ZNF438: variants seen among roughly 807,000 people sequenced by gnomAD.
ZNF438 encodes zinc finger protein 438.
In ZNF438, 25 loss-of-function variants were observed where a neutral mutation model predicts 38.0. That is an observed-to-expected ratio of 0.66 (90% CI 0.48 to 0.92). The LOEUF is 0.92. ZNF438 is among the 40% of genes least tolerant of loss of function. The pLI, the probability that ZNF438 is intolerant of heterozygous loss-of-function variation, is 0.00. For missense variants in ZNF438, 1,007 were observed against 999.6 expected (o/e 1.01, Z -0.10); for synonymous variants, 372 against 364.1 (o/e 1.02, Z -0.25).
Position 30,995,297 on chromosome 10 carries a change from G to A in ZNF438, c.-192+36536C>T, listed in dbSNP as rs56686909. ...ACAAGTACAAAGCAGCCCCCAATAC[G>A]ATTAACAGCTGACTTCTCATTAGAA... On this transcript the variant is annotated intron_variant, in intron 1 of 5. Transcript: ENST00000413025. Among the ~76,000 whole-genome samples the A allele has an allele frequency of 6.6e-3, 998 of 152,194 alleles. 14 individuals are homozygous for A. The highest frequency in any genetic ancestry group is 0.022 in the African/African-American group (919 of 41,538).
chr10:31,006,561 GC>G (rs2055147623), intron 1 of ZNF438, among the ~76,000 whole-genome samples: 1 of 152,078 alleles, frequency 6.6e-6, no homozygotes, highest in Admixed American at 6.5e-5. Flanking sequence ...AGTTCTGTGA[GC>G]CCTCTAGTAA....
In ZNF438 at chr10:31,028,738, C is replaced by G. The variant is rs564994413; in HGVS notation, c.-192+3095G>C. Among the ~76,000 whole-genome samples the G allele has an allele frequency of 8.5e-5, 13 of 152,282 alleles. No homozygotes were observed. In the South Asian group the frequency reaches 2.3e-3, roughly 27 times the overall value. ...TTATTCATCTCTGAACTTCCAAAAC[C>G]TAACCAAATGCCCATTATATAAAGT... On this transcript the variant is annotated intron_variant, in intron 1 of 5. Coordinates refer to ENST00000413025, the Ensembl canonical transcript of ZNF438.
At chr10:30,956,186 G>A (rs2048842499) in intron 1 of ZNF438, among the ~76,000 whole-genome samples, 1 of 152,074 alleles carries the variant, frequency 6.6e-6, no homozygotes, top group Non-Finnish European at 1.5e-5. Context: ...AGAAAATTAA[G>A]ACCCTTTATG....
chr10:31,023,563 T>A (rs1188290572), intron 1 of ZNF438, among the ~76,000 whole-genome samples: 1 of 152,222 alleles, frequency 6.6e-6, no homozygotes, highest in African/African-American at 2.4e-5. Flanking sequence ...CAAAAGTATG[T>A]TATATTAGCG....
chr10:30,930,401 C>A (rs542948747), intron 2 of ZNF438, among the ~76,000 whole-genome samples: 1 of 152,032 alleles, frequency 6.6e-6, no homozygotes, highest in African/African-American at 2.4e-5. Flanking sequence ...TGCGCAGCCC[C>A]GGTTCCCACC....
chr10:30,901,962 A>C (rs1024103818), intron 3 of ZNF438, among the ~76,000 whole-genome samples: 5 of 151,878 alleles, frequency 3.3e-5, no homozygotes, highest in Non-Finnish European at 7.4e-5. Context: ...TGGAGTTGTT[A>C]GTTTCTCCTG....
At chr10:30,926,212 A>T (rs950909958) in intron 2 of ZNF438, among the ~76,000 whole-genome samples, 2 of 152,220 alleles carry the variant, frequency 1.3e-5, no homozygotes, top group Non-Finnish European at 2.9e-5. Flanking sequence ...AGTTACACGG[A>T]TGTACATAAT....
intron 1 of ZNF438, among the ~76,000 whole-genome samples, chr10:30,971,268 CAGTA>C (rs1352443625): frequency 1.3e-5 from 2 of 152,214 alleles, no homozygotes; most frequent in East Asian, 1.9e-4. Context: ...AGTAACTACG[CAGTA>C]AGTGTCAGCT....
intron 1 of ZNF438, among the ~76,000 whole-genome samples, chr10:31,010,922 A>G (rs2055632254): frequency 6.9e-6 from 1 of 144,454 alleles, no homozygotes; most frequent in African/African-American, 2.6e-5. Context: ...AAAAAAAAAA[A>G]GATTTTGTTG....
At chr10:31,028,582 G>C (rs1386113724) in intron 1 of ZNF438, among the ~76,000 whole-genome samples, 2 of 152,152 alleles carry the variant, frequency 1.3e-5, no homozygotes, top group African/African-American at 4.8e-5. Context: ...CACAAGTCAT[G>C]GAAGCTGGGG....
At chr10:30,967,341 T>G (rs989424842) in intron 1 of ZNF438, among the ~76,000 whole-genome samples, 1 of 152,170 alleles carries the variant, frequency 6.6e-6, no homozygotes, top group African/African-American at 2.4e-5. Flanking sequence ...AACAGCTGAC[T>G]AGTAAAGAAA....
At chr10:30,933,092 T>C (rs1457905719) in intron 2 of ZNF438, among the ~76,000 whole-genome samples, 5 of 152,246 alleles carry the variant, frequency 3.3e-5, no homozygotes, top group Non-Finnish European at 7.3e-5. Context: ...CTTGCTTATG[T>C]AGTCCTAGAA....
At chr10:30,956,553 T>C (rs1322028092) in intron 1 of ZNF438, among the ~76,000 whole-genome samples, 1 of 152,178 alleles carries the variant, frequency 6.6e-6, no homozygotes, top group Admixed American at 6.5e-5. Context: ...CCAACCTCTC[T>C]TCATCTCTCC....
In ZNF438 at chr10:30,962,336, T is replaced by G. The variant is rs1194445729; in HGVS notation, c.-191-20685A>C. 1.4e-5 allele frequency among the ~76,000 whole-genome samples: 2 copies of G among 147,356 alleles called. 1 individual carries two copies. Among genetic ancestry groups the G allele is most frequent in the Admixed American group, 1.4e-4 (2 of 14,648 alleles). Reference sequence around the variant, plus strand: ...CTCCCAACCTATGCCCCAGAAAAGTTGGAGATTAATAGAAAAAGACATAAG... The same window carrying G: ...CTCCCAACCTATGCCCCAGAAAAGTGGGAGATTAATAGAAAAAGACATAAG... On this transcript the variant is annotated intron_variant, in intron 1 of 5. Coordinates refer to ENST00000413025, the Ensembl canonical transcript of ZNF438.
chr10:30,998,035 G>A (rs2054231529), intron 1 of ZNF438, among the ~76,000 whole-genome samples: 1 of 152,170 alleles, frequency 6.6e-6, no homozygotes, highest in Non-Finnish European at 1.5e-5. Context: ...TTTCAGTTGG[G>A]TCTCTGTCAC....
chr10:30,918,951 G>C (rs1354803510), intron 2 of ZNF438: 1 of 152,194 alleles, frequency 6.6e-6, no homozygotes, highest in East Asian at 1.9e-4. Context: ...GTTTCAAGGA[G>C]AGGAGAAGAG....
chr10:30,885,960 A>C (rs2039898565), intron 3 of ZNF438, among the ~76,000 whole-genome samples: 1 of 152,180 alleles, frequency 6.6e-6, no homozygotes, highest in Admixed American at 6.5e-5. Flanking sequence ...ACGTAACTCC[A>C]GTGGACAGGA....
intron 1 of ZNF438, among the ~76,000 whole-genome samples, chr10:31,017,589 A>G (rs995617255): frequency 1.3e-5 from 2 of 152,238 alleles, no homozygotes; most frequent in Non-Finnish European, 2.9e-5. Context: ...ATAGATATTA[A>G]GCTTGTCAAC....
intron 4 of ZNF438, among the ~76,000 whole-genome samples, chr10:30,870,712 T>G (rs559978649): frequency 1.3e-5 from 2 of 152,336 alleles, no homozygotes; most frequent in South Asian, 4.1e-4. Flanking sequence ...AAAAATGTTG[T>G]GACTAGAGGC....
Sources: allele counts gnomAD v4.1 joint callset (sites outside exome capture counted in the v4.1 genomes callset), GRCh38; gene constraint gnomAD v4.1.1; transcripts MANE v1.5; gene names NCBI Gene and HGNC (gene_info 2026-07-23, HGNC 2026-07-21).